Variants in TTLL2 observed in about 807,000 individuals in gnomAD.
TTLL2 encodes the protein probable tubulin polyglutamylase TTLL2.
In TTLL2, 10 loss-of-function variants were observed where a neutral mutation model predicts 7.5. The observed-to-expected ratio is 1.33, with a 90% CI of 0.82 to 2.25. The LOEUF (loss-of-function observed/expected upper bound fraction) is 2.25. TTLL2 is among the 30% of genes most tolerant of loss of function. The pLI, the probability that TTLL2 is intolerant of heterozygous loss-of-function variation, is 0.00. For synonymous variants in TTLL2, 284 were observed against 280.3 expected (o/e 1.01, Z -0.13); for missense variants, 733 against 735.7 (o/e 1.00, Z 0.04).
intron 1 of TTLL2, among the ~76,000 whole-genome samples, chr6:167,326,165 T>C (rs9355235): frequency 0.72 from 109,823 of 151,928 alleles, 40,502 homozygotes; most frequent in African/African-American, 0.87. Flanking sequence ...CTGGGTGTCT[T>C]GGGGCTGAGC....
At chr6:167,337,284 C>T (rs894910787) in intron 1 of TTLL2, among the ~76,000 whole-genome samples, 1 of 152,226 alleles carries the variant, frequency 6.6e-6, no homozygotes, top group African/African-American at 2.4e-5. Flanking sequence ...GGGTCCCCAA[C>T]CCGGCATGGC....
intron 1 of TTLL2, among the ~76,000 whole-genome samples, chr6:167,328,687 G>A (rs2115208683): frequency 6.6e-6 from 1 of 152,308 alleles, no homozygotes; most frequent in Non-Finnish European, 1.5e-5. Flanking sequence ...GAAGTTTTCA[G>A]CGGGTGGCGT....
chr6:167,331,729 G>A (rs1056785804), intron 1 of TTLL2, among the ~76,000 whole-genome samples: 2 of 152,092 alleles, frequency 1.3e-5, no homozygotes, highest in African/African-American at 4.8e-5. Context: ...TGTAACAATC[G>A]CTGAGTCCTG....
chr6:167,331,878 T>C (rs1228846712), intron 1 of TTLL2, among the ~76,000 whole-genome samples: 3 of 152,168 alleles, frequency 2.0e-5, no homozygotes, highest in Non-Finnish European at 2.9e-5. Flanking sequence ...CGCTTTACTT[T>C]TACGTCTGTA....
intron 1 of TTLL2, among the ~76,000 whole-genome samples, chr6:167,325,647 T>A (rs1016124634): frequency 6.6e-6 from 1 of 152,168 alleles, no homozygotes; most frequent in African/African-American, 2.4e-5. Context: ...GCTAGGGTTA[T>A]GAGACGGAAC....
At chr6:167,336,726 A>C (rs1778987796) in intron 1 of TTLL2, among the ~76,000 whole-genome samples, 1 of 152,072 alleles carries the variant, frequency 6.6e-6, no homozygotes, top group Non-Finnish European at 1.5e-5. Context: ...TAAAAATTGC[A>C]CTGAAGAGCT....
intron 1 of TTLL2, among the ~76,000 whole-genome samples, chr6:167,327,645 G>A (rs1462608771): frequency 2.0e-5 from 3 of 152,112 alleles, no homozygotes; most frequent in African/African-American, 7.2e-5. Flanking sequence ...CATATTTACG[G>A]CTTGGCTACA....
At chr6:167,330,590 A>T (rs571723899) in intron 1 of TTLL2, among the ~76,000 whole-genome samples, 14 of 152,236 alleles carry the variant, frequency 9.2e-5, no homozygotes, top group African/African-American at 3.4e-4. Context: ...AAAAGAAAGA[A>T]AGAAAACAAT....
At chr6:167,326,538 T>A (rs554198297) in intron 1 of TTLL2, among the ~76,000 whole-genome samples, 2 of 152,228 alleles carry the variant, frequency 1.3e-5, no homozygotes, top group East Asian at 3.9e-4. Context: ...ATGGCTTCAA[T>A]GACCTAGAAC....
intron 1 of TTLL2, among the ~76,000 whole-genome samples, chr6:167,336,097 G>A (rs950167033): frequency 2.0e-5 from 3 of 152,034 alleles, no homozygotes; most frequent in African/African-American, 7.3e-5. Context: ...TTGTGACTGT[G>A]CCATAGTAAA....
intron 1 of TTLL2, among the ~76,000 whole-genome samples, chr6:167,329,595 T>C (rs1778894594): frequency 6.6e-6 from 1 of 152,210 alleles, no homozygotes; most frequent in Non-Finnish European, 1.5e-5. Flanking sequence ...ATTTGTATAG[T>C]ACATTTGTAT....
intron 1 of TTLL2, among the ~76,000 whole-genome samples, chr6:167,336,639 G>A (rs917741391): frequency 3.9e-5 from 6 of 151,980 alleles, no homozygotes; most frequent in African/African-American, 9.7e-5. Flanking sequence ...GAGTCCCTCC[G>A]AGACAAGACA....
At chr6:167,339,779 C>T (rs1021065876) in intron 2 of TTLL2, among the ~76,000 whole-genome samples, 3 of 152,126 alleles carry the variant, frequency 2.0e-5, no homozygotes, top group Non-Finnish European at 4.4e-5. Context: ...CAGGACGGGC[C>T]GCAGATATGG....
At chr6:167,331,139 T>C (rs1344574256) in intron 1 of TTLL2, among the ~76,000 whole-genome samples, 2 of 152,218 alleles carry the variant, frequency 1.3e-5, no homozygotes, top group African/African-American at 4.8e-5. Flanking sequence ...CTGAAAAATA[T>C]TAATTGTATA....
Position 167,341,801 on chromosome 6 carries a change from G to A in TTLL2, c.*122G>A, listed in dbSNP as rs1779101965. The A allele has an allele frequency of 9.2e-7, 1 of 1,082,376 alleles. No individual in the cohort carries two copies. The highest frequency in any genetic ancestry group is 1.3e-6 in the Non-Finnish European group (1 of 778,388). The allele number at this position is 1,082,376 out of a possible 1,614,324, so 67.0% of individuals were successfully genotyped here. On this transcript the variant is annotated 3_prime_UTR_variant, in exon 3 of 3. Transcript: ENST00000239587. ...ACCAGCATGTTAACTATGACATTGG[G>A]ACTGAAGATGTGGCCATATGTATAA...
Position 167,325,211 on chromosome 6 carries a change from A to G in TTLL2, c.38A>G (p.Gln13Arg). ...GACCTGTGTTCCTCCACACAAAGCC[A>G]GGCGCTGGGGTAAGCGTAGGAGGCG... ...GRDLCSSTQS[Q>R]ALGSLRTTTP... Residue 13 changes from glutamine (Q) to arginine (R), a missense_variant, in exon 1 of 3, where the codon CAG (glutamine) becomes CGG (arginine). By Grantham distance (43) the Gln-to-Arg change is conservative. Coordinates refer to ENST00000239587, the MANE Select transcript of TTLL2 (RefSeq NM_031949.5). The G allele has an allele frequency of 6.4e-7, 1 of 1,574,120 alleles. No homozygotes were observed.
At chr6:167,337,790 A>G (rs1190559976) in intron 1 of TTLL2, among the ~76,000 whole-genome samples, 1 of 151,720 alleles carries the variant, frequency 6.6e-6, no homozygotes, top group East Asian at 1.9e-4. Flanking sequence ...CACACCACAC[A>G]CAACACATAC....
In TTLL2 at chr6:167,341,349, A is replaced by G. The variant is rs760225476; in HGVS notation, c.1449A>G (p.Ala483=). Residue 483 remains alanine, a synonymous_variant, in exon 3 of 3, where the codon GCA becomes GCG. Coordinates refer to ENST00000239587, the MANE Select transcript of TTLL2 (RefSeq NM_031949.5). ...CTGTGAGTGTGCGTCCTGAAGCTGC[A>G]CCTGCCTCCCAGCTGGAAGGAGAGA... is the stretch of plus-strand genomic sequence containing the variant. ...EKAVSVRPEA[A]PASQLEGEMS... is the part of the protein sequence containing the mutation. 8.7e-6 allele frequency: 14 copies of G among 1,613,608 alleles called. No homozygotes were observed. In the East Asian group the frequency reaches 3.1e-4, roughly 36 times the overall value.
Position 167,340,343 on chromosome 6 carries a change from C to A in TTLL2, c.443C>A (p.Pro148His), listed in dbSNP as rs1358863278. Residue 148 changes from proline to histidine, a missense_variant, in exon 3 of 3, where the codon CCT (proline) becomes CAT (histidine). By Grantham distance (77) the Pro-to-His change is moderately conservative (BLOSUM62 -2). Coordinates refer to ENST00000239587, the MANE Select transcript of TTLL2 (RefSeq NM_031949.5). ...VKPWQQLNHH[P>H]GTTKLTRKDC... ...CCGTGGCAGCAGCTAAACCACCACCCTGGAACCACCAAGCTTACCAGGAAA... is the reference window on the plus strand; with the variant it reads ...CCGTGGCAGCAGCTAAACCACCACCATGGAACCACCAAGCTTACCAGGAAA... The A allele has an allele frequency of 1.9e-6, 3 of 1,614,158 alleles. No individual in the cohort carries two copies. The highest frequency in any genetic ancestry group is 2.5e-6 in the Non-Finnish European group (3 of 1,180,030).
Sources: allele counts gnomAD v4.1 joint callset (sites outside exome capture counted in the v4.1 genomes callset), GRCh38; gene constraint gnomAD v4.1.1; transcripts MANE v1.5; gene names NCBI Gene and HGNC (gene_info 2026-07-23, HGNC 2026-07-21).